Variants in GREM2 observed in about 807,000 individuals in gnomAD.
GREM2 encodes the protein gremlin 2, DAN family BMP antagonist, also known as gremlin-2.
Under a neutral mutation model 14.2 loss-of-function variants are expected in GREM2, and 11 were observed. That is an observed-to-expected ratio of 0.78 (90% CI 0.49 to 1.28). GREM2 has a LOEUF of 1.28. GREM2 is among the 50% of genes most tolerant of loss of function. The pLI, the probability that GREM2 is intolerant of heterozygous loss-of-function variation, is 0.00. For synonymous variants in GREM2, 98 were observed against 97.6 expected, an observed-to-expected ratio of 1.00 and a Z score of -0.02; for missense variants, 210 against 218.5, an observed-to-expected ratio of 0.96 and a Z score of 0.24.
chr1:240,597,069 G>C (rs1367914548), intron 1 of GREM2, among the ~76,000 whole-genome samples: 2 of 152,210 alleles, frequency 1.3e-5, no homozygotes, highest in Admixed American at 1.3e-4. Flanking sequence ...CTCTACTGTG[G>C]CGCATTCCCT....
Position 240,534,441 on chromosome 1 carries a change from G to C in GREM2, c.-1-40965C>G, listed in dbSNP as rs376441739. On this transcript the variant is annotated intron_variant, in intron 1 of 1. Coordinates refer to ENST00000318160, the MANE Select transcript of GREM2 (RefSeq NM_022469.4). ...GCAGTGGCTCACGCCTGTAATCCCA[G>C]CACTTTGGGAGGCTGAGGCGGGCAG... Among the ~76,000 whole-genome samples the C allele has an allele frequency of 4.6e-5, 7 of 152,256 alleles. 1 individual carries two copies. The highest frequency in any genetic ancestry group is 2.6e-4 in the Admixed American group (4 of 15,296).
At chr1:240,559,086 T>A (rs1226480978) in intron 1 of GREM2, among the ~76,000 whole-genome samples, 2 of 152,066 alleles carry the variant, frequency 1.3e-5, no homozygotes, top group Non-Finnish European at 1.5e-5. Context: ...ATACCAAAAT[T>A]TGACATAAAA....
chr1:240,597,513 T>G (rs1679841902), intron 1 of GREM2, among the ~76,000 whole-genome samples: 1 of 152,192 alleles, frequency 6.6e-6, no homozygotes, highest in South Asian at 2.1e-4. Flanking sequence ...AACGTCCCTT[T>G]CCGCCTTGCT....
At position 240,586,717 on chromosome 1, in the gene GREM2, C is replaced by G. The variant is rs915069915; in HGVS notation, c.-2+25167G>C. Among the ~76,000 whole-genome samples, 3 of 152,136 alleles carry G rather than the reference C, an allele frequency of 2.0e-5. No individual in the cohort carries two copies. The South Asian group carries it at 6.2e-4, about 32-fold the overall frequency. ...TCAATCAGGTGTCACCCTGGTACCT[C>G]GGTTACTTCCTTCAAAGAGAGTTGA... is the stretch of plus-strand genomic sequence containing the variant. On this transcript the variant is annotated intron_variant, in intron 1 of 1. Transcript: ENST00000318160.
chr1:240,503,479 C>T (rs1438469180), intron 1 of GREM2, among the ~76,000 whole-genome samples: 1 of 152,186 alleles, frequency 6.6e-6, no homozygotes, highest in Non-Finnish European at 1.5e-5. Context: ...CTGTGTTATT[C>T]CTTCACATTA....
chr1:240,569,344 A>C (rs1329976738), intron 1 of GREM2, among the ~76,000 whole-genome samples: 1 of 152,196 alleles, frequency 6.6e-6, no homozygotes, highest in Non-Finnish European at 1.5e-5. Flanking sequence ...GATATTTACA[A>C]GATGATTCTA....
At chr1:240,511,429 A>G (rs1364181347) in intron 1 of GREM2, among the ~76,000 whole-genome samples, 1 of 152,228 alleles carries the variant, frequency 6.6e-6, no homozygotes, top group East Asian at 1.9e-4. Flanking sequence ...CATGTTTACC[A>G]TGGGAGAATA....
At position 240,522,007 on chromosome 1, in the gene GREM2, C is replaced by A. The variant is rs111419575; in HGVS notation, c.-1-28531G>T. Among the ~76,000 whole-genome samples the A allele has an allele frequency of 1.5e-4, 22 of 151,036 alleles. 1 individual carries two copies. Among genetic ancestry groups the A allele is most frequent in the African/African-American group, 4.9e-4 (20 of 41,124 alleles). ...TGGTGGCACACACCTGTAGTCCCAG[C>A]TACTCGGGAGGCTGATGTAGGAGGA... is the stretch of plus-strand genomic sequence containing the variant. On this transcript the variant is annotated intron_variant, in intron 1 of 1. Transcript: ENST00000318160.
At chr1:240,571,714 A>G (rs1558167358) in intron 1 of GREM2, among the ~76,000 whole-genome samples, 1 of 152,168 alleles carries the variant, frequency 6.6e-6, no homozygotes. Context: ...AAGAAAAAGA[A>G]AAAGAAAAGA....
intron 1 of GREM2, among the ~76,000 whole-genome samples, chr1:240,541,824 A>T (rs1280850755): frequency 6.6e-6 from 1 of 152,186 alleles, no homozygotes; most frequent in African/African-American, 2.4e-5. Flanking sequence ...GGAACCACTC[A>T]GGCAAAAGTC....
At chr1:240,605,827 A>G (rs1376071975) in intron 1 of GREM2, among the ~76,000 whole-genome samples, 1 of 152,104 alleles carries the variant, frequency 6.6e-6, no homozygotes, top group Non-Finnish European at 1.5e-5. Flanking sequence ...AATAATAAAT[A>G]AATAAATTTT....
chr1:240,600,154 T>A (rs1390410100), intron 1 of GREM2, among the ~76,000 whole-genome samples: 1 of 152,208 alleles, frequency 6.6e-6, no homozygotes, highest in East Asian at 1.9e-4. Context: ...AGTGCTAATT[T>A]GACAACAAGG....
rs10429919 is a variant in GREM2, at chr1:240,603,678, T to C, written c.-2+8206A>G. Among the ~76,000 whole-genome samples, 666 of 152,296 alleles carry C rather than the reference T, an allele frequency of 4.4e-3. 14 individuals carry two copies. The highest frequency in any genetic ancestry group is 0.039 in the East Asian group (200 of 5,162). Reference sequence around the variant, plus strand: ...GGACTGCCTTAAAGTCTGATGAACCTTAATGATTCCTTCTCAGAATAATGT... The same window carrying C: ...GGACTGCCTTAAAGTCTGATGAACCCTAATGATTCCTTCTCAGAATAATGT... On this transcript the variant is annotated intron_variant, in intron 1 of 1. Coordinates refer to ENST00000318160, the MANE Select transcript of GREM2 (RefSeq NM_022469.4).
At chr1:240,510,241 G>C (rs193267802) in intron 1 of GREM2, among the ~76,000 whole-genome samples, 1 of 151,702 alleles carries the variant, frequency 6.6e-6, no homozygotes, top group Non-Finnish European at 1.5e-5. Context: ...GTGGTGGCGG[G>C]CGCCTGTAGT....
At chr1:240,590,314 G>C (rs1198807538) in intron 1 of GREM2, among the ~76,000 whole-genome samples, 1 of 152,022 alleles carries the variant, frequency 6.6e-6, no homozygotes, top group South Asian at 2.1e-4. Flanking sequence ...ACCTCAAATT[G>C]TTCCACTGTC....
intron 1 of GREM2, among the ~76,000 whole-genome samples, chr1:240,511,799 T>C (rs1195365426): frequency 1.3e-5 from 2 of 152,156 alleles, no homozygotes; most frequent in African/African-American, 4.8e-5. Context: ...GATTTCAGTA[T>C]ACTTGGAGGA....
intron 1 of GREM2, among the ~76,000 whole-genome samples, chr1:240,501,596 A>G (rs1193967057): frequency 6.6e-6 from 1 of 152,156 alleles, no homozygotes; most frequent in Non-Finnish European, 1.5e-5. Flanking sequence ...TAAATTAAAT[A>G]AGGAGATGAA....
Position 240,527,125 on chromosome 1 carries a change from G to A in GREM2, c.-1-33649C>T, listed in dbSNP as rs769659026. ...GGTACGTTGTCAATGTCAGTAATTTGTATCCCTGACATGTTGATTAATCCT... is the reference window on the plus strand; with the variant it reads ...GGTACGTTGTCAATGTCAGTAATTTATATCCCTGACATGTTGATTAATCCT... On this transcript the variant is annotated intron_variant, in intron 1 of 1. Transcript: ENST00000318160. Among the ~76,000 whole-genome samples, 3 of 152,174 alleles carry A rather than the reference G, an allele frequency of 2.0e-5. No homozygotes were observed. The South Asian group carries it at 6.2e-4, about 32-fold the overall frequency.
chr1:240,546,146 CCAA>C (rs1329815698), intron 1 of GREM2, among the ~76,000 whole-genome samples: 3 of 151,818 alleles, frequency 2.0e-5, no homozygotes, highest in Non-Finnish European at 4.4e-5. Context: ...AGCAGCCTGG[CCAA>C]CATGGTGAAA....
Sources: allele counts gnomAD v4.1 joint callset (sites outside exome capture counted in the v4.1 genomes callset), GRCh38; gene constraint gnomAD v4.1.1; transcripts MANE v1.5; gene names NCBI Gene and HGNC (gene_info 2026-07-23, HGNC 2026-07-21).